AFDN: variants seen among roughly 807,000 people sequenced by gnomAD.
AFDN encodes the protein afadin, adherens junction formation factor.
In AFDN, 68 loss-of-function variants were observed where a neutral mutation model predicts 216.6. The observed-to-expected ratio is 0.31, with a 90% CI of 0.26 to 0.38. The LOEUF (loss-of-function observed/expected upper bound fraction) is 0.38, where lower values mean the gene tolerates loss of function less well. AFDN is among the 10% of genes least tolerant of loss of function. The pLI is 1.00. For synonymous variants in AFDN, 868 were observed against 853.7 expected (o/e 1.02, Z -0.29); for missense variants, 2,136 against 2,342.0 (o/e 0.91, Z 1.82).
Position 167,946,693 on chromosome 6 carries a change from T to A in AFDN, c.3359-14T>A. ...ATAAAATCTTAAGAGATACTGAATA[T>A]GCTTTGATTCCAGTTTCAGATCGTC... is the stretch of plus-strand genomic sequence containing the variant. On this transcript the variant is annotated splice_polypyrimidine_tract_variant and intron_variant, in intron 26 of 33. Coordinates refer to ENST00000683244, the MANE Select transcript of AFDN (RefSeq NM_001386888.1). 1 of 1,610,916 alleles carries A rather than the reference T, an allele frequency of 6.2e-7. No individual in the cohort carries two copies.
At chr6:167,956,742 C>T (rs1325567635) in intron 30 of AFDN, among the ~76,000 whole-genome samples, 1 of 152,210 alleles carries the variant, frequency 6.6e-6, no homozygotes, top group Non-Finnish European at 1.5e-5. Context: ...ACCTCACAGT[C>T]ATGCATGACC....
At chr6:167,948,579 C>G in intron 29 of AFDN, 101 bp downstream of exon 29, 1 of 1,155,076 alleles carries the variant, frequency 8.7e-7, no homozygotes, top group African/African-American at 1.6e-5. Context: ...CATTGTTGGC[C>G]TTTTGTTTTT....
At chr6:167,954,525 T>C in intron 30 of AFDN, 1 of 1,592,204 alleles carries the variant, frequency 6.3e-7, no homozygotes, top group East Asian at 2.3e-5. Context: ...TTTGGTACTT[T>C]TTTCCTGTCT....
chr6:167,950,188 C>T (rs998582490), intron 29 of AFDN, among the ~76,000 whole-genome samples: 1 of 152,116 alleles, frequency 6.6e-6, no homozygotes, highest in African/African-American at 2.4e-5. Context: ...GATACTTCAT[C>T]TTTGTTGTTG....
At chr6:167,969,085 T>C (rs753742368) in intron 32 of AFDN, 29 bp from the exon 33 acceptor site, 2 of 1,545,636 alleles carry the variant, frequency 1.3e-6, no homozygotes, top group South Asian at 2.2e-5. Flanking sequence ...TCAGGTACTT[T>C]AACTTGTACT....
Position 167,962,266 on chromosome 6 carries a change from T to A in AFDN, c.4834-167T>A, listed in dbSNP as rs1314045557. ...ATTTTAAAATTGTAGAGCTAAAAAA[T>A]TGTAAAAAGTTTTATTTTCCAACAG... On this transcript the variant is annotated intron_variant, in intron 30 of 33. Coordinates refer to ENST00000683244, the MANE Select transcript of AFDN (RefSeq NM_001386888.1). The surrounding 1 kb of genome is among the most constrained non-coding windows in gnomAD (Gnocchi z 5.2). 6.6e-6 allele frequency among the ~76,000 whole-genome samples: 1 copy of A among 152,214 alleles called. No homozygotes were observed. Among genetic ancestry groups the A allele is most frequent in the Non-Finnish European group, 1.5e-5 (1 of 68,038 alleles).
At chr6:167,854,456 A>T (rs957845841) in intron 1 of AFDN, among the ~76,000 whole-genome samples, 1 of 151,944 alleles carries the variant, frequency 6.6e-6, no homozygotes, top group East Asian at 1.9e-4. Flanking sequence ...TACATTGTCA[A>T]ACTTATTAAC....
intron 26 of AFDN, among the ~76,000 whole-genome samples, chr6:167,946,258 A>G (rs956318433): frequency 2.0e-5 from 3 of 152,258 alleles, no homozygotes; most frequent in Non-Finnish European, 4.4e-5. Context: ...ATGATAAACC[A>G]GGGTGAGCAA....
At chr6:167,894,222 G>C (rs540695321) in intron 9 of AFDN, among the ~76,000 whole-genome samples, 4 of 152,252 alleles carry the variant, frequency 2.6e-5, no homozygotes, top group South Asian at 4.1e-4. Flanking sequence ...CAAAGCACTC[G>C]TTGGGCGGTG....
At chr6:167,958,572 A>G (rs1796743002) in intron 30 of AFDN, among the ~76,000 whole-genome samples, 1 of 152,264 alleles carries the variant, frequency 6.6e-6, no homozygotes, top group Admixed American at 6.5e-5. Flanking sequence ...ATGAGAACTC[A>G]CAGGAGAAAT....
At chr6:167,913,488 A>G (rs1790668946) in intron 16 of AFDN, 65 bp downstream of exon 16, 7 of 1,435,364 alleles carry the variant, frequency 4.9e-6, no homozygotes, top group African/African-American at 4.2e-5. Context: ...TGCTGCTCCC[A>G]TGTCAAATAA....
rs147742688 is a variant in AFDN at position 167,968,065 on chromosome 6, A to C, written c.5258-1049A>C. ...GAAGGTATTTGATACTCTTAAGTCT[A>C]AAAGTTCCGAAAATTCAGAAGAATT... On this transcript the variant is annotated intron_variant, in intron 32 of 33. Coordinates refer to ENST00000683244, the MANE Select transcript of AFDN (RefSeq NM_001386888.1). 1.8e-3 allele frequency among the ~76,000 whole-genome samples: 268 copies of C among 152,332 alleles called. 1 individual carries two copies. The highest frequency in any genetic ancestry group is 6.2e-3 in the African/African-American group (256 of 41,576).
intron 1 of AFDN, among the ~76,000 whole-genome samples, chr6:167,860,159 C>CT (rs370176215): frequency 0.022 from 1,732 of 79,318 alleles, 82 homozygotes; most frequent in East Asian, 0.073. Context: ...TACAGCAATG[C>CT]TTTTTTTTTT....
chr6:167,907,828 A>G (rs1789901659), intron 13 of AFDN, among the ~76,000 whole-genome samples: 1 of 151,824 alleles, frequency 6.6e-6, no homozygotes, highest in African/African-American at 2.4e-5. Flanking sequence ...CTGGGCAGAG[A>G]ACTGTCTTGT....
chr6:167,936,422 G>A (rs1020009595), intron 23 of AFDN, among the ~76,000 whole-genome samples: 16 of 152,266 alleles, frequency 1.1e-4, no homozygotes, highest in Middle Eastern at 3.4e-3. Flanking sequence ...TTTTAATTGT[G>A]TGCGCATGTA....
chr6:167,863,050 G>T (rs1268686910), intron 1 of AFDN, among the ~76,000 whole-genome samples: 1 of 152,138 alleles, frequency 6.6e-6, no homozygotes, highest in Non-Finnish European at 1.5e-5. Flanking sequence ...ATTTTCATAA[G>T]TTTGTATGGT....
At chr6:167,946,976 T>C (rs938959249) in intron 27 of AFDN, 75 bp downstream of exon 27, 1 of 1,289,742 alleles carries the variant, frequency 7.8e-7, no homozygotes, top group African/African-American at 1.5e-5. Context: ...ACTTTGTGGT[T>C]TGTTAATTAT....
chr6:167,879,797 C>CT (rs1451753249), intron 5 of AFDN, among the ~76,000 whole-genome samples: 1 of 152,200 alleles, frequency 6.6e-6, no homozygotes, highest in African/African-American at 2.4e-5. Flanking sequence ...GAACTCTGCT[C>CT]TGTTGGCAAA....
chr6:167,892,413 T>C (rs1484083210), intron 8 of AFDN, among the ~76,000 whole-genome samples: 3 of 152,184 alleles, frequency 2.0e-5, no homozygotes, highest in Non-Finnish European at 4.4e-5. Flanking sequence ...AACTTAAAAT[T>C]TTTTAGGCTC....
Sources: gnomAD v4.1 joint callset for allele counts (sites outside exome capture counted in the v4.1 genomes callset) on GRCh38, gnomAD v4.1.1 for gene constraint, Gnocchi (gnomAD v3.1) non-coding constraint, MANE v1.5 for transcripts, NCBI Gene and HGNC (gene_info 2026-07-23, HGNC 2026-07-21) for gene names.